The following ATF7 variants were observed in gnomAD, a reference collection of about 807,000 sequenced individuals.
The protein encoded by ATF7 is cyclic AMP-dependent transcription factor ATF-7.
In ATF7, 10 loss-of-function variants were observed where a neutral mutation model predicts 50.4. That is an observed-to-expected ratio of 0.20 (90% CI 0.12 to 0.34). The LOEUF is 0.34. Among genes scored for constraint, ATF7 ranks in the 10% least tolerant of loss-of-function variants. ATF7 has a pLI of 1.00. For synonymous variants in ATF7, 201 were observed against 226.4 expected (o/e 0.89, Z 1.01); for missense variants, 465 against 613.9 (o/e 0.76, Z 2.56).
intron 1 of ATF7, among the ~76,000 whole-genome samples, chr12:53,625,382 G>A (rs1944561651): frequency 6.6e-6 from 1 of 152,116 alleles, no homozygotes; most frequent in African/African-American, 2.4e-5. Flanking sequence ...CAGTCTGGGT[G>A]CCATATCCAC....
At chr12:53,613,406 T>C (rs1365560073) in intron 1 of ATF7, among the ~76,000 whole-genome samples, 1 of 152,224 alleles carries the variant, frequency 6.6e-6, no homozygotes, top group Admixed American at 6.5e-5. Context: ...ATGGGTTTGT[T>C]ATTTTAAAGT....
At chr12:53,583,611 G>A (rs1942538416) in intron 2 of ATF7, among the ~76,000 whole-genome samples, 1 of 152,040 alleles carries the variant, frequency 6.6e-6, no homozygotes, top group Admixed American at 6.6e-5. Context: ...AAAGGTGGGG[G>A]ACCACTGACC....
intron 1 of ATF7, chr12:53,625,939 G>A (rs1191561733): frequency 1.3e-5 from 2 of 152,206 alleles, no homozygotes; most frequent in Non-Finnish European, 2.9e-5. Context: ...TGTGCCCCCC[G>A]GGGCTACTTA....
chr12:53,523,182 T>C, intron 11 of ATF7, 94 bp downstream of exon 11: 1 of 968,278 alleles, frequency 1.0e-6, no homozygotes, highest in Non-Finnish European at 1.6e-6. Context: ...CCCCAGAACA[T>C]TCAGAATGGA....
chr12:53,559,917 A>T (rs1215533982), intron 2 of ATF7, among the ~76,000 whole-genome samples: 4 of 152,006 alleles, frequency 2.6e-5, no homozygotes, highest in African/African-American at 9.7e-5. Flanking sequence ...TTACTTTTTT[A>T]AAATTTTACT....
At chr12:53,579,387 A>C (rs1296767204) in intron 2 of ATF7, among the ~76,000 whole-genome samples, 2 of 152,010 alleles carry the variant, frequency 1.3e-5, no homozygotes, top group African/African-American at 4.8e-5. Flanking sequence ...TGCCATCTCT[A>C]CTAAAAATAC....
chr12:53,526,896 C>T (rs1196875485), intron 9 of ATF7, among the ~76,000 whole-genome samples: 6 of 147,982 alleles, frequency 4.1e-5, no homozygotes, highest in Admixed American at 2.1e-4. Flanking sequence ...CCGTGGCTCA[C>T]GCCTGTAATC....
At chr12:53,517,758 C>T in intron 11 of ATF7, 1 of 188,366 alleles carries the variant, frequency 5.3e-6, no homozygotes, top group Non-Finnish European at 1.1e-5. Flanking sequence ...TAGGCATGAG[C>T]CACTGCGCCT....
chr12:53,568,806 G>A (rs116734222), intron 2 of ATF7, among the ~76,000 whole-genome samples: 2 of 152,098 alleles, frequency 1.3e-5, no homozygotes, highest in East Asian at 3.8e-4. Flanking sequence ...ATATTTTTTA[G>A]AATGCTGGCC....
chr12:53,617,854 T>C (rs566099536), intron 1 of ATF7, among the ~76,000 whole-genome samples: 24 of 151,752 alleles, frequency 1.6e-4, no homozygotes, highest in African/African-American at 5.1e-4. Flanking sequence ...TCTTGCCTCA[T>C]TGTAAACAGG....
intron 9 of ATF7, among the ~76,000 whole-genome samples, chr12:53,526,235 A>G (rs1270661792): frequency 6.7e-6 from 1 of 148,788 alleles, no homozygotes; most frequent in African/African-American, 2.5e-5. Context: ...AAGTTATACC[A>G]AGTGTACCTG....
At chr12:53,624,215 A>G (rs544596760) in intron 1 of ATF7, among the ~76,000 whole-genome samples, 1 of 152,222 alleles carries the variant, frequency 6.6e-6, no homozygotes, top group Non-Finnish European at 1.5e-5. Context: ...GAAATACTAG[A>G]ACCCAGCTCA....
Position 53,592,719 on chromosome 12 carries a change from A to G in ATF7, c.48+8234T>C, listed in dbSNP as rs896917082. On this transcript the variant is annotated intron_variant, in intron 2 of 11. Coordinates refer to ENST00000420353, the MANE Select transcript of ATF7 (RefSeq NM_006856.3). ...GGGTGATGAGTTCTATTGTGATTTT[A>G]AAAAACATGTATTATTGTACTAAGT... 3.9e-5 allele frequency among the ~76,000 whole-genome samples: 6 copies of G among 152,214 alleles called. No individual in the cohort carries two copies. In the South Asian group the frequency reaches 1.0e-3, roughly 26 times the overall value.
intron 1 of ATF7, among the ~76,000 whole-genome samples, chr12:53,614,568 G>A (rs1412738869): frequency 6.6e-6 from 1 of 152,144 alleles, no homozygotes; most frequent in Non-Finnish European, 1.5e-5. Context: ...GATTGGTTCT[G>A]GATAGGAAAT....
In ATF7 at chr12:53,528,503, C is replaced by G. The variant is rs574910931; in HGVS notation, c.927+3241G>C. Among the ~76,000 whole-genome samples, 6 of 152,294 alleles carry G rather than the reference C, an allele frequency of 3.9e-5. No individual in the cohort carries two copies. In the South Asian group the frequency reaches 1.0e-3, roughly 26 times the overall value. Reference sequence around the variant, plus strand: ...ATTGGCTGGGTGTGGTGGCTCACGCCTGTAATCCCAGCACTTTGGGAGGCT... The same window carrying G: ...ATTGGCTGGGTGTGGTGGCTCACGCGTGTAATCCCAGCACTTTGGGAGGCT... On this transcript the variant is annotated intron_variant, in intron 9 of 11. Transcript: ENST00000420353.
intron 2 of ATF7, among the ~76,000 whole-genome samples, chr12:53,563,026 T>C (rs2101301): frequency 0.95 from 144,552 of 152,202 alleles, 69,063 homozygotes; most frequent in East Asian, 1. Context: ...CTACTAACAC[T>C]TTCTACCCAG....
At chr12:53,563,854 C>G (rs1941292234) in intron 2 of ATF7, among the ~76,000 whole-genome samples, 1 of 152,212 alleles carries the variant, frequency 6.6e-6, no homozygotes, top group Admixed American at 6.5e-5. Context: ...CTTTCCAACT[C>G]CATTTGCAAA....
At chr12:53,619,026 T>G (rs1944265629) in intron 1 of ATF7, among the ~76,000 whole-genome samples, 3 of 147,360 alleles carry the variant, frequency 2.0e-5, no homozygotes, top group Admixed American at 6.9e-5. Context: ...CACTCCAGCC[T>G]GGCTGACATA....
Position 53,532,639 on chromosome 12 carries a change from G to GAAAA in ATF7, c.661-20_661-17dup. The GAAAA allele has an allele frequency of 8.3e-7, 1 of 1,206,896 alleles. No homozygotes were observed. The highest frequency in any genetic ancestry group is 1.5e-5 in the South Asian group (1 of 68,640). The allele number at this position is 1,206,896 out of a possible 1,614,324, so 74.8% of individuals were successfully genotyped here. A position where few individuals can be genotyped will look rare whatever the true frequency, so the allele number is the denominator to read the frequency against. On this transcript the variant is annotated splice_polypyrimidine_tract_variant and intron_variant, in intron 7 of 11. Coordinates refer to ENST00000420353, the MANE Select transcript of ATF7 (RefSeq NM_006856.3). Reference sequence around the variant, plus strand: ...GTCTGGCCAGCTGGATCGAGAGAAGGAAAAAAAAAAAAAGAGAAGGGAACA... The same window carrying GAAAA: ...GTCTGGCCAGCTGGATCGAGAGAAGGAAAAAAAAAAAAAAAAAGAGAAGGGAACA...
Sources: gnomAD v4.1 joint callset for allele counts (sites outside exome capture counted in the v4.1 genomes callset) on GRCh38, gnomAD v4.1.1 for gene constraint, MANE v1.5 for transcripts, NCBI Gene and HGNC (gene_info 2026-07-23, HGNC 2026-07-21) for gene names.